The following ZNF490 variants were observed in gnomAD, a reference collection of about 807,000 sequenced individuals.
ZNF490 encodes zinc finger protein 490.
ZNF490 carries 11 observed loss-of-function variants against 17.7 expected under a neutral mutation model. The observed-to-expected ratio is 0.62, with a 90% CI of 0.39 to 1.03. The LOEUF is 1.03. Among genes scored for constraint, ZNF490 ranks in the 50% least tolerant of loss-of-function variants. The pLI, the probability that ZNF490 is intolerant of heterozygous loss-of-function variation, is 0.00. For synonymous variants in ZNF490, 222 were observed against 216.1 expected (o/e 1.03, Z -0.24); for missense variants, 542 against 643.4 (o/e 0.84, Z 1.71).
intron 1 of ZNF490, chr19:12,609,932 T>C: frequency 2.2e-6 from 1 of 455,624 alleles, no homozygotes; most frequent in Non-Finnish European, 4.4e-6. Flanking sequence ...TTCGCCACTA[T>C]GAAATATATC....
At chr19:12,582,546 C>T (rs2022751643) in intron 4 of ZNF490, among the ~76,000 whole-genome samples, 1 of 152,112 alleles carries the variant, frequency 6.6e-6, no homozygotes, top group African/African-American at 2.4e-5. Context: ...AGGTGCACGC[C>T]ACCACGCCCG....
rs1348312999 is a variant in ZNF490, at chr19:12,586,277, C to T, written c.163-2721G>A. On this transcript the variant is annotated intron_variant, in intron 2 of 4. Transcript: ENST00000311437. ...TCGTGCCCCTGCACTCCAGCCTGGG[C>T]GACAGAGCGAAACTCCACCTCAAAA... Among the ~76,000 whole-genome samples, 2 of 91,244 alleles carry T rather than the reference C, an allele frequency of 2.2e-5. 1 individual carries two copies. Among genetic ancestry groups the T allele is most frequent in the East Asian group, 4.1e-4 (2 of 4,832 alleles). The allele number at this position is 91,244 out of a possible 152,430, so 59.9% of individuals were successfully genotyped here.
chr19:12,598,498 C>T (rs1332829456), intron 2 of ZNF490, among the ~76,000 whole-genome samples: 1 of 150,812 alleles, frequency 6.6e-6, no homozygotes, highest in Non-Finnish European at 1.5e-5. Flanking sequence ...CCTCAGCCTC[C>T]CGAGTAGCTG....
In ZNF490 at chr19:12,577,598, C is replaced by G. The variant is rs1344735382; in HGVS notation, c.*2887G>C. 2 of 985,368 alleles carry G rather than the reference C, an allele frequency of 2.0e-6. No homozygotes were observed. The highest frequency in any genetic ancestry group is 1.2e-6 in the Non-Finnish European group (1 of 829,980). 61.0% of individuals were successfully genotyped at this position (985,368 alleles called of 1,614,324 possible). On this transcript the variant is annotated 3_prime_UTR_variant, in exon 5 of 5. Coordinates refer to ENST00000311437, the MANE Select transcript of ZNF490 (RefSeq NM_020714.3). ...AGCCACCAGGTCCTCCACTGCATCT[C>G]CACAGTAGCCGTCACTTCCACTGAG...
chr19:12,582,021 A>G (rs2022741993), intron 4 of ZNF490, among the ~76,000 whole-genome samples: 1 of 152,134 alleles, frequency 6.6e-6, no homozygotes, highest in South Asian at 2.1e-4. Context: ...TCCTGGGTTC[A>G]AGTGATTCTC....
intron 2 of ZNF490, among the ~76,000 whole-genome samples, chr19:12,605,622 A>C (rs1364111415): frequency 6.6e-6 from 1 of 152,200 alleles, no homozygotes; most frequent in East Asian, 1.9e-4. Context: ...GTTGGTCAGA[A>C]GCATAGGTCA....
rs959174178 is a variant in ZNF490, at chr19:12,582,001, A to C, written c.351-277T>G. Among the ~76,000 whole-genome samples the C allele has an allele frequency of 4.6e-5, 7 of 152,150 alleles. No individual in the cohort carries two copies. In the East Asian group the frequency reaches 1.3e-3, roughly 29 times the overall value. Reference sequence around the variant, plus strand: ...CAGTGGCGTGATCTCAGCTCACTGCAACCTCCGCCTCCTGGGTTCAAGTGA... The same window carrying C: ...CAGTGGCGTGATCTCAGCTCACTGCCACCTCCGCCTCCTGGGTTCAAGTGA... On this transcript the variant is annotated intron_variant, in intron 4 of 4. Transcript: ENST00000311437.
In ZNF490 at chr19:12,580,210, A is replaced by T; in HGVS notation, c.*275T>A. 8.4e-7 allele frequency: 1 copy of T among 1,191,996 alleles called. No individual in the cohort carries two copies. The highest frequency in any genetic ancestry group is 1.0e-6 in the Non-Finnish European group (1 of 960,122). The allele number at this position is 1,191,996 out of a possible 1,614,324, so 73.8% of individuals were successfully genotyped here. A position where few individuals can be genotyped will look rare whatever the true frequency, so the allele number is the denominator to read the frequency against. Reference sequence around the variant, plus strand: ...ATATATTCTCAGGTGTCTTTAAAAGATTACGTGAAGTGAAGGCTTTCCTAC... The same window carrying T: ...ATATATTCTCAGGTGTCTTTAAAAGTTTACGTGAAGTGAAGGCTTTCCTAC... On this transcript the variant is annotated 3_prime_UTR_variant, in exon 5 of 5. Coordinates refer to ENST00000311437, the MANE Select transcript of ZNF490 (RefSeq NM_020714.3).
Position 12,580,717 on chromosome 19 carries a change from C to A in ZNF490, c.1358G>T (p.Arg453Leu). 6.2e-7 allele frequency: 1 copy of A among 1,614,048 alleles called. No homozygotes were observed. Among genetic ancestry groups the A allele is most frequent in the Non-Finnish European group, 8.5e-7 (1 of 1,179,992 alleles). The part of the protein sequence containing the change: ...EKPYECKQCG[R>L]VFIYFSHLRR... ...AAGGTGACTGAAGTAAATGAAGACC[C>A]GACCACACTGTTTGCATTCATAGGG... The change falls in exon 5 of 5, where the codon CGG becomes CTG. Residue 453 changes from arginine to leucine, a missense_variant. Coordinates refer to ENST00000311437, the MANE Select transcript of ZNF490 (RefSeq NM_020714.3).
intron 2 of ZNF490, among the ~76,000 whole-genome samples, chr19:12,602,289 G>A (rs894294705): frequency 6.6e-6 from 1 of 152,136 alleles, no homozygotes; most frequent in African/African-American, 2.4e-5. Context: ...GCTCCCGCCT[G>A]TAATCCCAGC....
chr19:12,581,385 G>A lies in ZNF490; in HGVS notation c.690C>T (p.Ala230=). 1 of 1,614,128 alleles carries A rather than the reference G, an allele frequency of 6.2e-7. No homozygotes were observed. The highest frequency in any genetic ancestry group is 8.5e-7 in the Non-Finnish European group (1 of 1,179,994). Residue 230 remains alanine (A), a synonymous_variant, in exon 5 of 5, where the codon GCC becomes GCT. Transcript: ENST00000311437. ...KPYECKECGK[A]FAFLFSFRNH... is the part of the protein sequence containing the mutation. ...TTCGAAAGGAAAAGAGAAATGCGAA[G>A]GCTTTGCCACATTCCTTACATTCAT... is the stretch of plus-strand genomic sequence containing the variant.
chr19:12,609,108 C>A, intron 2 of ZNF490, 50 bp downstream of exon 2: 1 of 1,594,388 alleles, frequency 6.3e-7, no homozygotes, highest in South Asian at 1.1e-5. Flanking sequence ...CCCAAATGGT[C>A]ATTATAAACA....
chr19:12,595,344 A>G (rs1464546249), intron 2 of ZNF490, among the ~76,000 whole-genome samples: 1 of 152,004 alleles, frequency 6.6e-6, no homozygotes, highest in East Asian at 1.9e-4. Flanking sequence ...CATGTTGGTC[A>G]GCTCCCGACC....
intron 2 of ZNF490, among the ~76,000 whole-genome samples, chr19:12,595,056 AAT>A (rs201283674): frequency 4.5e-4 from 68 of 152,088 alleles, no homozygotes; most frequent in African/African-American, 1.5e-3. Flanking sequence ...TGAAACCAGA[AAT>A]ATATATATAT....
Position 12,589,556 on chromosome 19 carries a change from T to TTTC in ZNF490, c.163-6003_163-6001dup, listed in dbSNP as rs1212195331. Among the ~76,000 whole-genome samples, 202 of 143,110 alleles carry TTTC rather than the reference T, an allele frequency of 1.4e-3. 3 individuals are homozygous for TTTC. The highest frequency in any genetic ancestry group is 4.9e-3 in the African/African-American group (191 of 38,930). The allele number at this position is 143,110 out of a possible 152,430, so 93.9% of individuals were successfully genotyped here. A position where few individuals can be genotyped will look rare whatever the true frequency, so the allele number is the denominator to read the frequency against. ...ATAGCAAACTAGGAATAGAAGGGAATTTCTTCTTCTTCTTTTTTTTTTTTT... is the reference window on the plus strand; with the variant it reads ...ATAGCAAACTAGGAATAGAAGGGAATTTCTTCTTCTTCTTCTTTTTTTTTTTTT... On this transcript the variant is annotated intron_variant, in intron 2 of 4. Coordinates refer to ENST00000311437, the MANE Select transcript of ZNF490 (RefSeq NM_020714.3).
intron 2 of ZNF490, among the ~76,000 whole-genome samples, chr19:12,598,680 A>G (rs1009952100): frequency 8.0e-5 from 12 of 150,436 alleles, no homozygotes; most frequent in African/African-American, 2.9e-4. Flanking sequence ...CCCGTCAATA[A>G]TTCTCCCTTT....
intron 2 of ZNF490, among the ~76,000 whole-genome samples, chr19:12,595,163 C>T (rs1162153039): frequency 6.6e-6 from 1 of 151,738 alleles, no homozygotes; most frequent in Admixed American, 6.6e-5. Context: ...TTTTTTGAGA[C>T]CGAGTTTCGC....
intron 4 of ZNF490, among the ~76,000 whole-genome samples, chr19:12,582,427 G>A (rs568287481): frequency 4.0e-5 from 6 of 151,556 alleles, no homozygotes; most frequent in African/African-American, 1.5e-4. Context: ...ACGGAGTCTC[G>A]CTCTGTCACC....
At chr19:12,596,900 T>G (rs1181703992) in intron 2 of ZNF490, among the ~76,000 whole-genome samples, 1 of 152,238 alleles carries the variant, frequency 6.6e-6, no homozygotes, top group Non-Finnish European at 1.5e-5. Context: ...CCGTCATGAC[T>G]TTCCCGTGGC....
Sources: allele counts gnomAD v4.1 joint callset (sites outside exome capture counted in the v4.1 genomes callset), GRCh38; gene constraint gnomAD v4.1.1; transcripts MANE v1.5; gene names NCBI Gene and HGNC (gene_info 2026-07-23, HGNC 2026-07-21).